ST3GAL1: variants seen among roughly 807,000 people sequenced by gnomAD.
ST3GAL1 encodes CMP-N-acetylneuraminate-beta-galactosamide-alpha-2,3-sialyltransferase 1.
A neutral mutation model predicts 34.1 loss-of-function variants in ST3GAL1; 16 were observed. The observed-to-expected ratio is 0.47, with a 90% confidence interval of 0.32 to 0.71. ST3GAL1 has a LOEUF of 0.71. Among genes scored for constraint, ST3GAL1 ranks in the 30% least tolerant of loss-of-function variants. The probability of loss-of-function intolerance (pLI) is 0.04; values close to 1 mark genes in which losing one functional copy is unlikely to be tolerated. For missense variants in ST3GAL1, 353 were observed against 447.4 expected (o/e 0.79, Z 1.90); for synonymous variants, 191 against 184.7 (o/e 1.03, Z -0.28).
rs560790493 is a variant in ST3GAL1, at chr8:133,570,963, G to A, written c.-582+730C>T. Among the ~76,000 whole-genome samples the A allele has an allele frequency of 6.6e-6, 1 of 152,202 alleles. No homozygotes were observed. ...CAGAGTTTCGAGTTGCCACTAACAC[G>A]ACTCCGGCCGTGCTCTCCTTGGCCC... On this transcript the variant is annotated intron_variant, in intron 1 of 9. Transcript: ENST00000522652. This position sits in a 1 kb window ranked among gnomAD's most constrained non-coding sequence, Gnocchi z 5.6.
intron 1 of ST3GAL1, among the ~76,000 whole-genome samples, chr8:133,546,529 AT>A (rs1818677806): frequency 6.6e-6 from 1 of 151,820 alleles, no homozygotes; most frequent in Non-Finnish European, 1.5e-5. Flanking sequence ...TAGAAGAAGA[AT>A]TTGAACAGGA....
At position 133,556,147 on chromosome 8, in the gene ST3GAL1, C is replaced by T. The variant is rs1056149067; in HGVS notation, c.-581-10221G>A. ...CTGAGCTCAGGCAATCCACCCATCTCGGCCTCCCAAAGTGCTAGGATTGCA... is the reference window on the plus strand; with the variant it reads ...CTGAGCTCAGGCAATCCACCCATCTTGGCCTCCCAAAGTGCTAGGATTGCA... On this transcript the variant is annotated intron_variant, in intron 1 of 9. Coordinates refer to ENST00000522652, the MANE Select transcript of ST3GAL1 (RefSeq NM_173344.3). This position sits in a 1 kb window ranked among gnomAD's most constrained non-coding sequence, Gnocchi z 8.9. Among the ~76,000 whole-genome samples the T allele has an allele frequency of 1.7e-4, 26 of 152,160 alleles. No individual in the cohort carries two copies. Among genetic ancestry groups the T allele is most frequent in the African/African-American group, 2.9e-4 (12 of 41,438 alleles).
In ST3GAL1 at chr8:133,539,153, A is replaced by G. The variant is rs187209128; in HGVS notation, c.-429+6621T>C. Among the ~76,000 whole-genome samples, 6 of 152,366 alleles carry G rather than the reference A, an allele frequency of 3.9e-5. No homozygotes were observed. The East Asian group carries it at 1.2e-3, about 29-fold the overall frequency. ...AGTCCCTGATGTGGGATCACAGGTC[A>G]GCCCGCAGAACTTCAAGGAAAGTGC... On this transcript the variant is annotated intron_variant, in intron 2 of 9. Transcript: ENST00000522652.
intron 2 of ST3GAL1, among the ~76,000 whole-genome samples, chr8:133,512,199 C>T (rs1660521665): frequency 6.6e-6 from 1 of 152,188 alleles, no homozygotes; most frequent in Non-Finnish European, 1.5e-5. Flanking sequence ...TGGAAGCCAA[C>T]AGCACAGCCT....
intron 3 of ST3GAL1, among the ~76,000 whole-genome samples, chr8:133,485,791 G>T (rs1321813023): frequency 6.6e-6 from 1 of 150,542 alleles, no homozygotes; most frequent in African/African-American, 2.4e-5. Flanking sequence ...GTGGAGCTTT[G>T]GGGGGGATAG....
intron 1 of ST3GAL1, among the ~76,000 whole-genome samples, chr8:133,564,548 A>ACACT (rs1329519525): frequency 1.3e-5 from 2 of 151,964 alleles, no homozygotes; most frequent in Non-Finnish European, 2.9e-5. Context: ...ACACACACAC[A>ACACT]CACACAGAGT....
chr8:133,484,024 C>G (rs951164158), intron 3 of ST3GAL1, among the ~76,000 whole-genome samples: 4 of 152,220 alleles, frequency 2.6e-5, no homozygotes, highest in African/African-American at 9.6e-5. Context: ...CTCACAACCT[C>G]CGACTGCCAG....
chr8:133,538,986 G>A (rs1339167810), intron 2 of ST3GAL1, among the ~76,000 whole-genome samples: 1 of 152,116 alleles, frequency 6.6e-6, no homozygotes, highest in African/African-American at 2.4e-5. Flanking sequence ...GACAGCAGCT[G>A]GCTGCCAGGG....
Position 133,475,812 on chromosome 8 carries a change from C to G in ST3GAL1, c.213G>C (p.Ser71=), listed in dbSNP as rs142623314. ...CTHCIGQRKL[S]AWFDERFNQT... ...GGTTGAACCTCTCATCGAACCAGGC[C>G]GAGAGCTTGCGCTGCCCGATGCAGT... The change falls in exon 5 of 10, where the codon TCG becomes TCC. Residue 71 remains serine, a synonymous_variant. Transcript: ENST00000522652. 1.1e-4 allele frequency: 170 copies of G among 1,614,064 alleles called. No individual in the cohort carries two copies. The highest frequency in any genetic ancestry group is 1.7e-4 in the Admixed American group (10 of 60,014).
At chr8:133,566,718 G>T (rs1045431083) in intron 1 of ST3GAL1, among the ~76,000 whole-genome samples, 2 of 152,114 alleles carry the variant, frequency 1.3e-5, no homozygotes, top group Non-Finnish European at 2.9e-5. Flanking sequence ...TAAAGTATAC[G>T]GATGAGCATT....
chr8:133,528,689 G>A (rs1024873674), intron 2 of ST3GAL1, among the ~76,000 whole-genome samples: 4 of 152,230 alleles, frequency 2.6e-5, no homozygotes, highest in African/African-American at 9.7e-5. Flanking sequence ...AACAGCAAAT[G>A]TGAATAGTCA....
chr8:133,533,278 C>A (rs138038920), intron 2 of ST3GAL1, among the ~76,000 whole-genome samples: 4 of 152,284 alleles, frequency 2.6e-5, no homozygotes, highest in Non-Finnish European at 5.9e-5. Flanking sequence ...GTTGCAGACA[C>A]CCAGGATCTC....
At chr8:133,511,761 A>C (rs1471606361) in intron 2 of ST3GAL1, among the ~76,000 whole-genome samples, 1 of 152,214 alleles carries the variant, frequency 6.6e-6, no homozygotes, top group Non-Finnish European at 1.5e-5. Flanking sequence ...AGGGGAGTTT[A>C]TTAAGGAGAA....
chr8:133,551,620 G>GAA (rs1818869229), intron 1 of ST3GAL1, among the ~76,000 whole-genome samples: 10 of 147,818 alleles, frequency 6.8e-5, no homozygotes, highest in Non-Finnish European at 1.1e-4. Flanking sequence ...GAAAGAAAGA[G>GAA]CGAGCAAGCC....
chr8:133,562,504 G>A (rs1819256842), intron 1 of ST3GAL1, among the ~76,000 whole-genome samples: 1 of 152,134 alleles, frequency 6.6e-6, no homozygotes, highest in African/African-American at 2.4e-5. Context: ...CACAGGGCCT[G>A]GCCTGAATCC....
intron 2 of ST3GAL1, among the ~76,000 whole-genome samples, chr8:133,545,113 G>A (rs4736696): frequency 0.22 from 32,991 of 152,188 alleles, 3,825 homozygotes; most frequent in South Asian, 0.39. Context: ...TGAATTTTTC[G>A]TATTATTTCA....
At position 133,469,282 on chromosome 8, in the gene ST3GAL1, G is replaced by A. The variant is rs538666591; in HGVS notation, c.307-3192C>T. 1.6e-4 allele frequency among the ~76,000 whole-genome samples: 25 copies of A among 152,214 alleles called. No homozygotes were observed. Among genetic ancestry groups the A allele is most frequent in the Non-Finnish European group, 2.4e-4 (16 of 68,014 alleles). ...CGCCCAGGCTGGAATGCAGTGGTGC[G>A]ATCTCGGCTCACTGCAACCTCTACC... On this transcript the variant is annotated intron_variant, in intron 5 of 9. Transcript: ENST00000522652. The surrounding 1 kb of genome is among the most constrained non-coding windows in gnomAD (Gnocchi z 4.3).
Position 133,540,934 on chromosome 8 carries a change from CAT to C in ST3GAL1, c.-429+4838_-429+4839del, listed in dbSNP as rs751280527. Among the ~76,000 whole-genome samples, 2 of 51,384 alleles carry C rather than the reference CAT, an allele frequency of 3.9e-5. 1 individual carries two copies. Among genetic ancestry groups the C allele is most frequent in the Non-Finnish European group, 6.5e-5 (2 of 30,796 alleles). The allele number at this position is 51,384 out of a possible 152,430, so 33.7% of individuals were successfully genotyped here. ...ATATATATAGACATATATATATAGA[CAT>C]ATATAGACATATATATAGACATATA... On this transcript the variant is annotated intron_variant, in intron 2 of 9. Transcript: ENST00000522652.
chr8:133,540,838 GAGACATATATAT>G (rs1563734037), intron 2 of ST3GAL1, among the ~76,000 whole-genome samples: 5 of 94,168 alleles, frequency 5.3e-5, no homozygotes, highest in Non-Finnish European at 1.1e-4. Context: ...TATATATAGA[GAGACATATATAT>G]AGAGACATAT....
Sources: allele counts gnomAD v4.1 joint callset (sites outside exome capture counted in the v4.1 genomes callset), GRCh38; gene constraint gnomAD v4.1.1; non-coding constraint Gnocchi (gnomAD v3.1); transcripts MANE v1.5; gene names NCBI Gene and HGNC (gene_info 2026-07-23, HGNC 2026-07-21).